PRDX1: variants seen among roughly 807,000 people sequenced by gnomAD.
The protein encoded by PRDX1 is peroxiredoxin 1.
Under a neutral mutation model 20.7 loss-of-function variants are expected in PRDX1, and 19 were observed. The observed-to-expected ratio is 0.92, with a 90% CI of 0.64 to 1.35. The LOEUF is 1.35. PRDX1 is among the 40% of genes most tolerant of loss of function. PRDX1 has a pLI of 0.00. For missense variants in PRDX1, 226 were observed against 240.0 expected (o/e 0.94, Z 0.38); for synonymous variants, 89 against 83.9 (o/e 1.06, Z -0.33).
chr1:45,518,270 C>T (rs982059844), intron 2 of PRDX1, among the ~76,000 whole-genome samples: 1 of 151,854 alleles, frequency 6.6e-6, no homozygotes, highest in African/African-American at 2.4e-5. Flanking sequence ...CGAGACCAGC[C>T]TGACCACCAT....
At chr1:45,515,269 A>G (rs1643837419) in intron 3 of PRDX1, among the ~76,000 whole-genome samples, 1 of 152,154 alleles carries the variant, frequency 6.6e-6, no homozygotes, top group Non-Finnish European at 1.5e-5. Context: ...CAATACTTGA[A>G]AGTCTATTGC....
At chr1:45,511,545 T>A in intron 5 of PRDX1, 131 bp from the exon 6 acceptor site, 1 of 597,514 alleles carries the variant, frequency 1.7e-6, no homozygotes, top group Non-Finnish European at 2.9e-6. Flanking sequence ...CAGTCTTAGA[T>A]CATTCACCCT....
rs1643828199 is a variant in PRDX1, at chr1:45,514,861, C to T, written c.383+12G>A. The T allele has an allele frequency of 6.2e-7, 1 of 1,613,902 alleles. No homozygotes were observed. The highest frequency in any genetic ancestry group is 1.3e-5 in the African/African-American group (1 of 74,922). On this transcript the variant is annotated intron_variant, in intron 4 of 5. Transcript: ENST00000319248. ...GCTTTCAGCCAACTGGATACTTGTC[C>T]TGATGACATACCTGAACGAGATGCC...
intron 3 of PRDX1, 115 bp downstream of exon 3, chr1:45,515,539 A>C: frequency 9.3e-7 from 1 of 1,080,516 alleles, no homozygotes; most frequent in Non-Finnish European, 1.3e-6. Flanking sequence ...GCAGAGCTTG[A>C]AGTGAGCGGA....
At chr1:45,521,148 C>T (rs1446017984) in intron 1 of PRDX1, among the ~76,000 whole-genome samples, 2 of 152,188 alleles carry the variant, frequency 1.3e-5, no homozygotes, top group Admixed American at 6.5e-5. Context: ...CAAGTGGCCC[C>T]CAAGTACAAA....
chr1:45,514,515 T>G lies in PRDX1; in HGVS notation c.506A>C (p.His169Pro). 2 of 1,614,088 alleles carry G rather than the reference T, an allele frequency of 1.2e-6. No individual in the cohort carries two copies. The highest frequency in any genetic ancestry group is 1.7e-6 in the Non-Finnish European group (2 of 1,179,994). Residue 169 changes from histidine to proline, a missense_variant, in exon 5 of 6, where the codon CAT (histidine) becomes CCT (proline). His to Pro is a moderately conservative substitution (Grantham distance 77). Coordinates refer to ENST00000319248, the MANE Select transcript of PRDX1 (RefSeq NM_181697.3). ...TCAGACAGATGGCTTACCTTCCCCA[T>G]GTTTGTCAGTGAACTGGAAGGCCTG... ...LVQAFQFTDK[H>P]GEVCPAGWKP...
At chr1:45,520,130 G>A (rs981993006) in intron 1 of PRDX1, among the ~76,000 whole-genome samples, 4 of 150,908 alleles carry the variant, frequency 2.7e-5, no homozygotes, top group Non-Finnish European at 4.4e-5. Context: ...ACTTGAACCC[G>A]GGAGGCAGAG....
At chr1:45,514,132 T>C (rs1350870139) in intron 5 of PRDX1, among the ~76,000 whole-genome samples, 1 of 152,218 alleles carries the variant, frequency 6.6e-6, no homozygotes, top group African/African-American at 2.4e-5. Flanking sequence ...CTTTAAGGCA[T>C]TGAGATGTTT....
At chr1:45,519,485 T>C (rs4633317) in intron 1 of PRDX1, among the ~76,000 whole-genome samples, 34,952 of 152,230 alleles carry the variant, frequency 0.23, 4,131 homozygotes, top group East Asian at 0.32. Flanking sequence ...TTCCCATCAC[T>C]GTGCCTCCAC....
intron 5 of PRDX1, among the ~76,000 whole-genome samples, chr1:45,513,574 T>TC (rs761687822): frequency 1.7e-4 from 26 of 152,304 alleles, no homozygotes; most frequent in Non-Finnish European, 3.4e-4. Context: ...CAGAGGAGAC[T>TC]CCATTTTGTT....
intron 2 of PRDX1, among the ~76,000 whole-genome samples, chr1:45,516,214 G>C (rs1384011176): frequency 6.6e-6 from 1 of 152,268 alleles, no homozygotes; most frequent in African/African-American, 2.4e-5. Context: ...CTCTGCTGTA[G>C]AGATAAGACA....
intron 3 of PRDX1, 39 bp from the exon 4 acceptor site, chr1:45,515,034 T>C: frequency 6.2e-7 from 1 of 1,609,812 alleles, no homozygotes; most frequent in Non-Finnish European, 8.5e-7. Flanking sequence ...ATTCAAACTC[T>C]TGACTTGACT....
intron 2 of PRDX1, among the ~76,000 whole-genome samples, chr1:45,516,605 CAG>C (rs1420541842): frequency 6.6e-6 from 1 of 152,188 alleles, no homozygotes; most frequent in African/African-American, 2.4e-5. Flanking sequence ...ACTGAAATAA[CAG>C]ATCTTCAAAC....
At chr1:45,514,433 C>G (rs1359891319) in intron 5 of PRDX1, 74 bp downstream of exon 5, 2 of 1,549,862 alleles carry the variant, frequency 1.3e-6, no homozygotes, top group African/African-American at 2.7e-5. Context: ...ACGAGAAACA[C>G]CCACAGGTGT....
chr1:45,519,485 T>TTGACCTTTCCCATCACC (rs1557615703), intron 1 of PRDX1, among the ~76,000 whole-genome samples: 1 of 152,186 alleles, frequency 6.6e-6, no homozygotes, highest in East Asian at 1.9e-4. Context: ...TTCCCATCAC[T>TTGACCTTTCCCATCACC]GTGCCTCCAC....
At chr1:45,513,907 C>T (rs1051246061) in intron 5 of PRDX1, among the ~76,000 whole-genome samples, 2 of 152,038 alleles carry the variant, frequency 1.3e-5, no homozygotes, top group South Asian at 2.1e-4. Flanking sequence ...AAGACCTGAC[C>T]GGGGTCCCCC....
At chr1:45,521,977 G>A (rs1176545422), upstream of PRDX1, 1 of 152,394 alleles carries the variant, frequency 6.6e-6, no homozygotes, top group Non-Finnish European at 1.5e-5. Flanking sequence ...AGAGAGGAGG[G>A]GGATGTGGCC....
chr1:45,520,196 C>A (rs1424243280), intron 1 of PRDX1, among the ~76,000 whole-genome samples: 2 of 122,348 alleles, frequency 1.6e-5, no homozygotes, highest in Admixed American at 8.4e-5. Context: ...CAGAGTGAGA[C>A]TCTGTCTCCA....
intron 1 of PRDX1, among the ~76,000 whole-genome samples, chr1:45,520,036 C>T (rs898086355): frequency 1.3e-5 from 2 of 151,974 alleles, no homozygotes; most frequent in Non-Finnish European, 2.9e-5. Context: ...GAAACCCCGT[C>T]TCTACTAGAA....
Sources: allele counts gnomAD v4.1 joint callset (sites outside exome capture counted in the v4.1 genomes callset), GRCh38; gene constraint gnomAD v4.1.1; transcripts MANE v1.5; gene names NCBI Gene and HGNC (gene_info 2026-07-23, HGNC 2026-07-21).